PHIP: variants seen among roughly 807,000 people sequenced by gnomAD.
The protein encoded by PHIP is PH-interacting protein.
A neutral mutation model predicts 236.8 loss-of-function variants in PHIP; 54 were observed. That is an observed-to-expected ratio of 0.23 (90% CI 0.18 to 0.29). The LOEUF is 0.29. Among genes scored for constraint, PHIP ranks in the 10% least tolerant of loss-of-function variants. The pLI is 1.00. For synonymous variants in PHIP, 756 were observed against 718.9 expected (o/e 1.05, Z -0.83); for missense variants, 1,370 against 2,190.8 (o/e 0.63, Z 7.48).
At chr6:78,952,141 C>A (rs1024892435) in intron 35 of PHIP, among the ~76,000 whole-genome samples, 2 of 152,000 alleles carry the variant, frequency 1.3e-5, no homozygotes, top group Non-Finnish European at 2.9e-5. Flanking sequence ...TCTTGGCCAT[C>A]GGGCATGGTG....
chr6:79,005,776 T>C (rs72902895), intron 15 of PHIP, among the ~76,000 whole-genome samples: 10,238 of 152,100 alleles, frequency 0.067, 484 homozygotes, highest in Middle Eastern at 0.13. Flanking sequence ...AAGCATGGTA[T>C]CCTTCATGTG....
intron 6 of PHIP, among the ~76,000 whole-genome samples, chr6:79,054,832 G>C (rs920889044): frequency 7.9e-5 from 12 of 152,002 alleles, no homozygotes; most frequent in African/African-American, 2.9e-4. Flanking sequence ...TGAGAAAGAA[G>C]AGTCTTCTCT....
intron 19 of PHIP, among the ~76,000 whole-genome samples, chr6:78,991,308 T>A (rs1186318545): frequency 1.4e-5 from 2 of 142,934 alleles, no homozygotes; most frequent in Non-Finnish European, 3.1e-5. Context: ...GAAATTGGAT[T>A]TTTTTTTTTT....
At chr6:79,013,326 T>G (rs1770685625) in intron 15 of PHIP, among the ~76,000 whole-genome samples, 1 of 151,720 alleles carries the variant, frequency 6.6e-6, no homozygotes, top group Non-Finnish European at 1.5e-5. Context: ...TTTTTAGCTT[T>G]TTTGGTTTAT....
At chr6:79,059,634 A>C (rs1773265035) in intron 6 of PHIP, among the ~76,000 whole-genome samples, 3 of 115,924 alleles carry the variant, frequency 2.6e-5, no homozygotes, top group Non-Finnish European at 3.7e-5. Context: ...TAAAAATGCC[A>C]AACAAAAGTC....
At chr6:78,953,034 T>C (rs1252253626) in intron 35 of PHIP, among the ~76,000 whole-genome samples, 1 of 152,116 alleles carries the variant, frequency 6.6e-6, no homozygotes, top group African/African-American at 2.4e-5. Flanking sequence ...CTCCCTTATA[T>C]AGGTGTTGTT....
At chr6:79,030,973 T>C (rs1324777013) in intron 7 of PHIP, among the ~76,000 whole-genome samples, 2 of 152,218 alleles carry the variant, frequency 1.3e-5, no homozygotes, top group African/African-American at 4.8e-5. Context: ...AGACGAAGTC[T>C]TCCTCTGTCG....
rs201875667 is a variant in PHIP at position 79,017,896 on chromosome 6, C to T, written c.995-313G>A. On this transcript the variant is annotated intron_variant, in intron 10 of 39. Coordinates refer to ENST00000275034, the MANE Select transcript of PHIP (RefSeq NM_017934.7). ...CACCTTCACTAGAAAATATTTCTCTCGCAATTCTGCTGAAATTTTTCTGTT... is the reference window on the plus strand; with the variant it reads ...CACCTTCACTAGAAAATATTTCTCTTGCAATTCTGCTGAAATTTTTCTGTT... 3.9e-5 allele frequency among the ~76,000 whole-genome samples: 6 copies of T among 152,002 alleles called. No homozygotes were observed. The South Asian group carries it at 8.3e-4, about 21-fold the overall frequency.
chr6:78,955,902 A>T, intron 32 of PHIP: 1 of 285,012 alleles, frequency 3.5e-6, no homozygotes, highest in Non-Finnish European at 6.5e-6. Flanking sequence ...ATTACACCAA[A>T]CCCAAGTCTC....
At position 78,940,785 on chromosome 6, in the gene PHIP, A is replaced by G; in HGVS notation, c.5374T>C (p.Phe1792Leu). ...DSEEEQRQLLFEDTSLTFGTS... is the reference protein window; with the variant it reads ...DSEEEQRQLLLEDTSLTFGTS... ...CCAAAAGTTAAAGAGGTGTCTTCGAACAACAGCTGCCTTTGCTCCTCTTCA... is the reference window on the plus strand; with the variant it reads ...CCAAAAGTTAAAGAGGTGTCTTCGAGCAACAGCTGCCTTTGCTCCTCTTCA... The change falls in exon 40 of 40, where the codon TTC becomes CTC. Residue 1792 changes from phenylalanine (F) to leucine (L), a missense_variant. Around this residue, in one of 14 missense-constraint regions of PHIP, gnomAD observed 30 missense variants for 68.2 expected, o/e 0.44. Transcript: ENST00000275034. The G allele has an allele frequency of 6.2e-7, 1 of 1,613,952 alleles. No individual in the cohort carries two copies. The highest frequency in any genetic ancestry group is 8.5e-7 in the Non-Finnish European group (1 of 1,179,872).
chr6:79,049,038 C>G (rs771319139), intron 6 of PHIP, among the ~76,000 whole-genome samples: 9 of 151,584 alleles, frequency 5.9e-5, no homozygotes, highest in Non-Finnish European at 1.2e-4. Context: ...ATTAATTTTA[C>G]TTAATTCATT....
intron 32 of PHIP, chr6:78,957,423 G>A (rs1766494763): frequency 6.6e-6 from 1 of 151,846 alleles, no homozygotes. Flanking sequence ...AGATTTCTTA[G>A]AGAATAAGGT....
At chr6:79,035,518 AATT>A (rs1328234573) in intron 7 of PHIP, among the ~76,000 whole-genome samples, 1 of 152,196 alleles carries the variant, frequency 6.6e-6, no homozygotes, top group Non-Finnish European at 1.5e-5. Context: ...AAATAAAAGA[AATT>A]ATGTGATTTT....
At chr6:79,051,375 T>C (rs973648837) in intron 6 of PHIP, among the ~76,000 whole-genome samples, 2 of 152,158 alleles carry the variant, frequency 1.3e-5, no homozygotes, top group African/African-American at 4.8e-5. Flanking sequence ...GTCACCTTTT[T>C]GTCTACAAAA....
chr6:78,934,613 A>G lies in PHIP; in HGVS notation c.*6080T>C, dbSNP rs1335155886. On this transcript the variant is annotated 3_prime_UTR_variant, in exon 40 of 40. Coordinates refer to ENST00000275034, the MANE Select transcript of PHIP (RefSeq NM_017934.7). Reference sequence around the variant, plus strand: ...CTGGAAGCTACACATTAAATGATGTATTCTATTTAGGGACTAAATATAAAA... The same window carrying G: ...CTGGAAGCTACACATTAAATGATGTGTTCTATTTAGGGACTAAATATAAAA... Among the ~76,000 whole-genome samples the G allele has an allele frequency of 3.9e-5, 6 of 152,354 alleles. No individual in the cohort carries two copies. Among genetic ancestry groups the G allele is most frequent in the Non-Finnish European group, 5.9e-5 (4 of 68,040 alleles).
chr6:78,949,401 T>C (rs1443785671), intron 35 of PHIP, among the ~76,000 whole-genome samples: 1 of 152,096 alleles, frequency 6.6e-6, no homozygotes, highest in Non-Finnish European at 1.5e-5. Flanking sequence ...ATCAGCTCCT[T>C]TTCTCACTCT....
At chr6:78,976,114 A>C (rs1455698303) in intron 24 of PHIP, among the ~76,000 whole-genome samples, 1 of 150,354 alleles carries the variant, frequency 6.7e-6, no homozygotes. Flanking sequence ...ACACTACCTG[A>C]CTTCAAACTA....
chr6:78,982,595 T>TA (rs1196268756), intron 23 of PHIP, among the ~76,000 whole-genome samples: 2 of 152,070 alleles, frequency 1.3e-5, no homozygotes, highest in African/African-American at 4.8e-5. Context: ...GTATTTCACA[T>TA]AAAAAAATCC....
intron 4 of PHIP, among the ~76,000 whole-genome samples, chr6:79,065,209 C>A (rs1773566856): frequency 1.3e-5 from 2 of 152,200 alleles, no homozygotes; most frequent in South Asian, 4.1e-4. Context: ...CCATTCAAAT[C>A]TATTCTCTAT....
Sources: gnomAD v4.1 joint callset for allele counts (sites outside exome capture counted in the v4.1 genomes callset) on GRCh38, gnomAD v4.1.1 for gene constraint, gnomAD v4.1.1 regional missense constraint, MANE v1.5 for transcripts, NCBI Gene and HGNC (gene_info 2026-07-23, HGNC 2026-07-21) for gene names.